The following PCDH9 variants were observed in gnomAD, a reference collection of about 807,000 sequenced individuals.
PCDH9 encodes the protein protocadherin-9.
A neutral mutation model predicts 70.6 loss-of-function variants in PCDH9; 24 were observed. The observed-to-expected ratio is 0.34, with a 90% CI of 0.25 to 0.48. The LOEUF is 0.48. Ranked by LOEUF, PCDH9 falls within the 20% of genes least tolerant of loss-of-function variation. The pLI is 0.99. For synonymous variants in PCDH9, 562 were observed against 558.5 expected, an observed-to-expected ratio of 1.01 and a Z score of -0.09; for missense variants, 1,281 against 1,503.6, an observed-to-expected ratio of 0.85 and a Z score of 2.45.
chr13:66,838,540 A>T (rs1326712292), intron 3 of PCDH9, among the ~76,000 whole-genome samples: 1 of 152,032 alleles, frequency 6.6e-6, no homozygotes, highest in African/African-American at 2.4e-5. Flanking sequence ...GCTAAAATGT[A>T]TTTGATATAT....
chr13:66,692,479 A>C (rs1378804287), intron 3 of PCDH9, among the ~76,000 whole-genome samples: 2 of 152,026 alleles, frequency 1.3e-5, no homozygotes, highest in African/African-American at 4.8e-5. Context: ...GTAGGAATGA[A>C]TAAAAGAAAA....
intron 4 of PCDH9, among the ~76,000 whole-genome samples, chr13:66,474,260 G>A (rs1026446112): frequency 2.0e-5 from 3 of 152,118 alleles, no homozygotes; most frequent in Non-Finnish European, 4.4e-5. Context: ...AGAACACAAA[G>A]ACTGTCTCCG....
intron 3 of PCDH9, among the ~76,000 whole-genome samples, chr13:66,765,738 C>T (rs796423111): frequency 6.6e-6 from 1 of 152,136 alleles, no homozygotes; most frequent in African/African-American, 2.4e-5. Context: ...AGGTACCTAG[C>T]ACTGAGGTCA....
At chr13:66,933,863 C>T (rs2082857748) in intron 2 of PCDH9, among the ~76,000 whole-genome samples, 1 of 137,008 alleles carries the variant, frequency 7.3e-6, no homozygotes, top group Non-Finnish European at 1.5e-5. Context: ...CACTTAGAAT[C>T]CAAAAATTTT....
At chr13:66,592,633 C>A (rs1036577884) in intron 4 of PCDH9, among the ~76,000 whole-genome samples, 1 of 151,670 alleles carries the variant, frequency 6.6e-6, no homozygotes, top group Non-Finnish European at 1.5e-5. Flanking sequence ...ATTCCAGATA[C>A]ATGTGTTTTT....
intron 3 of PCDH9, among the ~76,000 whole-genome samples, chr13:66,769,557 C>A (rs1727290687): frequency 6.6e-6 from 1 of 151,508 alleles, no homozygotes; most frequent in African/African-American, 2.4e-5. Flanking sequence ...ACAATTCTAT[C>A]AACCGAAATA....
chr13:66,575,066 G>A (rs150387613), intron 4 of PCDH9, among the ~76,000 whole-genome samples: 385 of 151,992 alleles, frequency 2.5e-3, no homozygotes, highest in African/African-American at 8.3e-3. Context: ...CCAGCTACTC[G>A]GGAGGCAGAG....
chr13:67,106,553 G>T (rs531169392), intron 2 of PCDH9, among the ~76,000 whole-genome samples: 6 of 152,328 alleles, frequency 3.9e-5, no homozygotes, highest in Non-Finnish European at 7.4e-5. Context: ...AATGACAGCA[G>T]CAGCCCATCT....
intron 2 of PCDH9, among the ~76,000 whole-genome samples, chr13:67,008,416 A>G (rs1235918651): frequency 6.6e-6 from 1 of 152,134 alleles, no homozygotes; most frequent in East Asian, 1.9e-4. Context: ...ACTGTATGTA[A>G]TTATATATTG....
chr13:66,637,408 A>C (rs2077652400), intron 3 of PCDH9, among the ~76,000 whole-genome samples: 1 of 152,242 alleles, frequency 6.6e-6, no homozygotes, highest in Admixed American at 6.5e-5. Flanking sequence ...CTCAAGAATA[A>C]TAAATAGTTT....
At chr13:66,357,705 C>T (rs1956407668) in intron 4 of PCDH9, among the ~76,000 whole-genome samples, 1 of 152,002 alleles carries the variant, frequency 6.6e-6, no homozygotes, top group South Asian at 2.1e-4. Context: ...TGACGAATAA[C>T]AATTATGATC....
At chr13:66,683,672 T>G (rs562668810) in intron 3 of PCDH9, among the ~76,000 whole-genome samples, 1 of 152,280 alleles carries the variant, frequency 6.6e-6, no homozygotes, top group Non-Finnish European at 1.5e-5. Flanking sequence ...AAATATAGGG[T>G]TTTGTGTGAG....
chr13:66,453,539 T>C (rs964712741), intron 4 of PCDH9, among the ~76,000 whole-genome samples: 1 of 152,208 alleles, frequency 6.6e-6, no homozygotes, highest in African/African-American at 2.4e-5. Flanking sequence ...CAAGTGCCTA[T>C]TGTAATGAAT....
chr13:67,177,337 T>G (rs1286855965), intron 2 of PCDH9, among the ~76,000 whole-genome samples: 1 of 152,134 alleles, frequency 6.6e-6, no homozygotes, highest in African/African-American at 2.4e-5. Flanking sequence ...TTGAAAAAAC[T>G]CTTTGTTCCT....
At chr13:66,750,196 C>T (rs1304678462) in intron 3 of PCDH9, among the ~76,000 whole-genome samples, 1 of 151,976 alleles carries the variant, frequency 6.6e-6, no homozygotes. Context: ...GGCATTATTA[C>T]TATTAAAGAA....
At chr13:66,962,995 G>A (rs548622485) in intron 2 of PCDH9, among the ~76,000 whole-genome samples, 1 of 152,248 alleles carries the variant, frequency 6.6e-6, no homozygotes, top group East Asian at 1.9e-4. Context: ...GGTCCTATCT[G>A]CAGGTGATGG....
chr13:67,224,874 C>T (rs2089817049), intron 2 of PCDH9: 2 of 981,302 alleles, frequency 2.0e-6, no homozygotes, highest in Non-Finnish European at 2.4e-6. Flanking sequence ...AATCTATCAA[C>T]GATCATGTGC....
intron 3 of PCDH9, among the ~76,000 whole-genome samples, chr13:66,684,742 G>A (rs2078376096): frequency 6.6e-6 from 1 of 152,024 alleles, no homozygotes; most frequent in Non-Finnish European, 1.5e-5. Flanking sequence ...CATAAAAATG[G>A]ACTAATACAG....
chr13:67,049,115 C>T (rs945573286), intron 2 of PCDH9, among the ~76,000 whole-genome samples: 1 of 152,132 alleles, frequency 6.6e-6, no homozygotes, highest in African/African-American at 2.4e-5. Context: ...CTTCCGTAAT[C>T]AGTACTTCTT....
Sources: allele counts gnomAD v4.1 joint callset (sites outside exome capture counted in the v4.1 genomes callset), GRCh38; gene constraint gnomAD v4.1.1; transcripts MANE v1.5; gene names NCBI Gene and HGNC (gene_info 2026-07-23, HGNC 2026-07-21).